The following GSE1 variants were observed in gnomAD, a reference collection of about 807,000 sequenced individuals.
The protein encoded by GSE1 is genetic suppressor element 1.
In GSE1, 32 loss-of-function variants were observed where a neutral mutation model predicts 112.6. The ratio of observed to expected loss-of-function variants is 0.28; its 90% CI spans 0.21 to 0.38. The LOEUF (loss-of-function observed/expected upper bound fraction) is 0.38, where lower values mean the gene tolerates loss of function less well. Ranked by LOEUF, GSE1 falls within the 10% of genes least tolerant of loss-of-function variation. GSE1 has a pLI of 1.00. For synonymous variants in GSE1, 1,115 were observed against 735.6 expected (o/e 1.52, Z -8.35); for missense variants, 2,348 against 1,699.2 (o/e 1.38, Z -6.71).
chr16:85,502,515 A>T (rs1450211528), intron 2 of GSE1, among the ~76,000 whole-genome samples: 1 of 152,182 alleles, frequency 6.6e-6, no homozygotes, highest in South Asian at 2.1e-4. Context: ...TCTGAGGGCA[A>T]CCGGGCTTCT....
intron 1 of GSE1, among the ~76,000 whole-genome samples, chr16:85,204,738 T>A (rs1336842019): frequency 2.0e-5 from 3 of 152,226 alleles, no homozygotes; most frequent in Non-Finnish European, 2.9e-5. Flanking sequence ...GACTCCTGTT[T>A]CCCCAGCAGC....
intron 1 of GSE1, among the ~76,000 whole-genome samples, chr16:85,332,747 CT>C (rs1040764762): frequency 6.6e-6 from 1 of 152,136 alleles, no homozygotes; most frequent in African/African-American, 2.4e-5. Flanking sequence ...CGGCCTCTTC[CT>C]GTCTACACCT....
At chr16:85,441,651 C>T (rs716810) in intron 2 of GSE1, among the ~76,000 whole-genome samples, 3 of 152,038 alleles carry the variant, frequency 2.0e-5, no homozygotes, top group Non-Finnish European at 4.4e-5. Flanking sequence ...CGTCTCAAAA[C>T]ACAAAAACAA....
At chr16:85,193,449 C>A (rs1186696339) in intron 1 of GSE1, among the ~76,000 whole-genome samples, 1 of 151,072 alleles carries the variant, frequency 6.6e-6, no homozygotes, top group Non-Finnish European at 1.5e-5. Flanking sequence ...TCACCTGCTT[C>A]TTTTTTTTGT....
intron 1 of GSE1, among the ~76,000 whole-genome samples, chr16:85,328,833 C>T (rs1418604657): frequency 1.3e-5 from 2 of 151,966 alleles, no homozygotes; most frequent in Non-Finnish European, 2.9e-5. Flanking sequence ...GGGCCTCCCG[C>T]GGTGGAATGG....
At chr16:85,426,694 A>C (rs201265034) in intron 2 of GSE1, among the ~76,000 whole-genome samples, 2 of 38,966 alleles carry the variant, frequency 5.1e-5, no homozygotes, top group African/African-American at 1.3e-4. Context: ...GGATGGGTAG[A>C]TGGGTGGGTG....
At chr16:85,503,274 G>A (rs947660228) in intron 2 of GSE1, among the ~76,000 whole-genome samples, 67 of 152,226 alleles carry the variant, frequency 4.4e-4, no homozygotes, top group African/African-American at 1.6e-3. Context: ...GTCTCACGGA[G>A]GGTCAGCTGC....
At chr16:85,292,316 T>G (rs1003076693) in intron 1 of GSE1, among the ~76,000 whole-genome samples, 1 of 86,630 alleles carries the variant, frequency 1.2e-5, no homozygotes, top group Non-Finnish European at 2.3e-5. Context: ...TTTTTGTTGT[T>G]TTTTTGTTTT....
chr16:85,378,770 C>T (rs1256425539), intron 2 of GSE1, among the ~76,000 whole-genome samples: 2 of 152,138 alleles, frequency 1.3e-5, no homozygotes, highest in Admixed American at 6.5e-5. Context: ...TGGAAAGCAC[C>T]TGCCAGTCCC....
chr16:85,429,819 G>T (rs914555478), intron 2 of GSE1, among the ~76,000 whole-genome samples: 11 of 152,138 alleles, frequency 7.2e-5, no homozygotes, highest in Non-Finnish European at 1.5e-4. Context: ...TCCATTCCTC[G>T]ATTTTCCATT....
Position 85,301,147 on chromosome 16 carries a change from C to T in GSE1, c.2284-56316C>T, listed in dbSNP as rs191511428. On this transcript the variant is annotated intron_variant, in intron 1 of 2. Coordinates refer to the GSE1 transcript ENST00000637419. ...CGCTCCCTCTCCCATCACATGGCGC[C>T]GTGGTGGTCAGTGTCAGGGCGGTTG... 5.6e-3 allele frequency among the ~76,000 whole-genome samples: 850 copies of T among 152,318 alleles called. 1 individual carries two copies. The highest frequency in any genetic ancestry group is 9.0e-3 in the Non-Finnish European group (614 of 68,016).
intron 2 of GSE1, among the ~76,000 whole-genome samples, chr16:85,469,974 C>T (rs889556530): frequency 5.9e-5 from 9 of 152,186 alleles, no homozygotes; most frequent in South Asian, 2.1e-4. Context: ...CAGTGGCAAC[C>T]GTGGAAATGG....
At chr16:85,615,958 C>T (rs761568865) in intron 1 of GSE1, among the ~76,000 whole-genome samples, 3 of 152,232 alleles carry the variant, frequency 2.0e-5, no homozygotes, top group Non-Finnish European at 4.4e-5. Flanking sequence ...AGCAGGAAGC[C>T]TCCTCCGATG....
At position 85,606,374 on chromosome 16, in the gene GSE1, A is replaced by C. The variant is rs192108367; in HGVS notation, c.38-42178A>C. ...CAGGGCGGACTTCTCCGAGCTCCACAACCTCATCCGTGCAGTGTAGTGATG... is the reference window on the plus strand; with the variant it reads ...CAGGGCGGACTTCTCCGAGCTCCACCACCTCATCCGTGCAGTGTAGTGATG... On this transcript the variant is annotated intron_variant, in intron 1 of 2. Transcript: ENST00000635906. 4.9e-4 allele frequency among the ~76,000 whole-genome samples: 75 copies of C among 152,354 alleles called. 1 individual carries two copies. The highest frequency in any genetic ancestry group is 4.6e-4 in the Non-Finnish European group (31 of 68,034).
intron 2 of GSE1, among the ~76,000 whole-genome samples, chr16:85,522,514 A>G (rs2052221736): frequency 7.2e-6 from 1 of 139,194 alleles, no homozygotes; most frequent in Admixed American, 6.8e-5. Context: ...GATTGGATCC[A>G]GCCAGTGGTG....
At chr16:85,615,745 G>A (rs1394649455) in intron 1 of GSE1, among the ~76,000 whole-genome samples, 1 of 152,196 alleles carries the variant, frequency 6.6e-6, no homozygotes, top group Non-Finnish European at 1.5e-5. Flanking sequence ...AGTTCAAAGG[G>A]GCTTGTACAT....
intron 1 of GSE1, among the ~76,000 whole-genome samples, chr16:85,291,114 G>A (rs1214330126): frequency 6.6e-6 from 1 of 152,236 alleles, no homozygotes; most frequent in Non-Finnish European, 1.5e-5. Flanking sequence ...TGGGAGGTTG[G>A]CACTGTCATT....
At chr16:85,618,911 G>T (rs187705688) in intron 1 of GSE1, among the ~76,000 whole-genome samples, 38 of 152,296 alleles carry the variant, frequency 2.5e-4, no homozygotes, top group Middle Eastern at 3.4e-3. Context: ...TGATCCTTCC[G>T]TCTCAGCCTC....
intron 1 of GSE1, among the ~76,000 whole-genome samples, chr16:85,227,365 C>T (rs953226788): frequency 3.9e-5 from 6 of 152,208 alleles, no homozygotes; most frequent in African/African-American, 1.4e-4. Context: ...CGGACCTCAA[C>T]GGTGGGTATG....
Sources: gnomAD v4.1 joint callset for allele counts (sites outside exome capture counted in the v4.1 genomes callset) on GRCh38, gnomAD v4.1.1 for gene constraint, MANE v1.5 for transcripts, NCBI Gene and HGNC (gene_info 2026-07-23, HGNC 2026-07-21) for gene names.